Variants in CCNH observed in about 807,000 individuals in gnomAD.
CCNH encodes the protein cyclin H, also known as cyclin-H.
A neutral mutation model predicts 41.9 loss-of-function variants in CCNH; 31 were observed. The observed-to-expected ratio is 0.74, with a 90% CI of 0.56 to 1.00. The LOEUF (loss-of-function observed/expected upper bound fraction) is 1.00. Among genes scored for constraint, CCNH ranks in the 50% least tolerant of loss-of-function variants. The pLI, the probability that CCNH is intolerant of heterozygous loss-of-function variation, is 0.00. For missense variants in CCNH, 362 were observed against 388.4 expected (o/e 0.93, Z 0.57); for synonymous variants, 138 against 136.1 (o/e 1.01, Z -0.10).
Position 87,394,378 on chromosome 5 carries a change from A to AAGTT in CCNH, c.*64_*67dup. 4.5e-6 allele frequency: 7 copies of AAGTT among 1,563,460 alleles called. No individual in the cohort carries two copies. In the Admixed American group the frequency reaches 5.9e-5, roughly 13 times the overall value. The stretch of plus-strand genomic sequence containing the variant: ...GTTTTCACATTATACTTTTTAAATA[A>AAGTT]AGTTAAACGTTTGATATGCTTCCTA... On this transcript the variant is annotated 3_prime_UTR_variant, in exon 9 of 9. Transcript: ENST00000256897.
intron 9 of CCNH, among the ~76,000 whole-genome samples, chr5:87,370,934 A>G (rs779171681): frequency 5.3e-5 from 8 of 152,164 alleles, no homozygotes; most frequent in Non-Finnish European, 1.2e-4. Flanking sequence ...ATCTCATTTA[A>G]TGCTCATTTC....
intron 2 of CCNH, among the ~76,000 whole-genome samples, chr5:87,410,261 A>AT (rs1391419017): frequency 1.3e-5 from 2 of 152,228 alleles, no homozygotes; most frequent in Non-Finnish European, 2.9e-5. Flanking sequence ...AAAGAAGTTC[A>AT]TTAAAGGATT....
Position 87,353,223 on chromosome 5 carries a change from T to C in CCNH, c.*91-34326A>G, listed in dbSNP as rs758200534. 5 of 1,606,178 alleles carry C rather than the reference T, an allele frequency of 3.1e-6. No individual in the cohort carries two copies. The Admixed American group carries it at 6.7e-5, about 21-fold the overall frequency. ...TTGAAGGATATTATCTTAAGGAACC[T>C]GTACCAATGCAGGTCAGTGTTGCAT... On this transcript the variant is annotated intron_variant and NMD_transcript_variant, in intron 9 of 9. Coordinates refer to the CCNH transcript ENST00000645953.
intron 2 of CCNH, among the ~76,000 whole-genome samples, chr5:87,410,800 T>TA (rs1324801460): frequency 1.3e-5 from 2 of 152,146 alleles, no homozygotes; most frequent in Non-Finnish European, 2.9e-5. Context: ...AATCAAGGCT[T>TA]AAAAAAATCT....
At chr5:87,360,431 C>G (rs1369413060) in intron 9 of CCNH, among the ~76,000 whole-genome samples, 2 of 152,156 alleles carry the variant, frequency 1.3e-5, no homozygotes, top group Admixed American at 1.3e-4. Flanking sequence ...CTTTTGAAAA[C>G]TCTGATGGCT....
intron 9 of CCNH, among the ~76,000 whole-genome samples, chr5:87,382,566 TA>T (rs1477222649): frequency 6.6e-6 from 1 of 152,130 alleles, no homozygotes; most frequent in Non-Finnish European, 1.5e-5. Flanking sequence ...GGATTCTTCT[TA>T]AAAGGAAATT....
At chr5:87,361,704 A>G (rs1362516582) in intron 9 of CCNH, among the ~76,000 whole-genome samples, 1 of 152,152 alleles carries the variant, frequency 6.6e-6, no homozygotes, top group East Asian at 1.9e-4. Flanking sequence ...CATTCCTAAA[A>G]ATCATAGCAT....
At chr5:87,394,617 G>C in intron 8 of CCNH, 133 bp from the exon 9 acceptor site, 1 of 1,490,850 alleles carries the variant, frequency 6.7e-7, no homozygotes, top group Non-Finnish European at 8.9e-7. Context: ...AGGAAATTTT[G>C]TAATAGTTCA....
Position 87,404,963 on chromosome 5 carries a change from T to A in CCNH, c.570A>T (p.Thr190=). The A allele has an allele frequency of 6.2e-7, 1 of 1,613,434 alleles. No individual in the cohort carries two copies. Among genetic ancestry groups the A allele is most frequent in the Non-Finnish European group, 8.5e-7 (1 of 1,179,600 alleles). ...ILENPEILRK[T]ADDFLNRIAL... ...CAATTCTATTAAGAAAGTCATCAGCTGTTTTCCTCAAAATCTCTGGATTCT... is the reference window on the plus strand; with the variant it reads ...CAATTCTATTAAGAAAGTCATCAGCAGTTTTCCTCAAAATCTCTGGATTCT... Residue 190 remains threonine, a synonymous_variant, in exon 5 of 9, where the codon ACA becomes ACT. Coordinates refer to ENST00000256897, the MANE Select transcript of CCNH (RefSeq NM_001239.4).
chr5:87,366,971 C>G (rs966277559), intron 9 of CCNH, among the ~76,000 whole-genome samples: 1 of 152,200 alleles, frequency 6.6e-6, no homozygotes, highest in Non-Finnish European at 1.5e-5. Context: ...TCACAACTGC[C>G]AGGATGTTGC....
At chr5:87,373,977 T>C (rs766566598), downstream of CCNH, among the ~76,000 whole-genome samples, 3 of 151,792 alleles carry the variant, frequency 2.0e-5, no homozygotes, top group African/African-American at 4.8e-5. Context: ...GGAAGAATTA[T>C]TTTAAATGTC....
downstream of CCNH, chr5:87,391,065 G>C (rs796643153): frequency 7.3e-6 from 5 of 687,468 alleles, no homozygotes; most frequent in African/African-American, 8.9e-5. Flanking sequence ...AACCTTGTAA[G>C]CTATCTGTGC....
At chr5:87,313,787 T>C (rs1756103231), downstream of CCNH, among the ~76,000 whole-genome samples, 1 of 152,186 alleles carries the variant, frequency 6.6e-6, no homozygotes, top group Non-Finnish European at 1.5e-5. Context: ...AGGTAGACAC[T>C]GAAGAATGAG....
the CCNH span, among the ~76,000 whole-genome samples, chr5:87,312,588 G>C: frequency 1.3e-5 from 2 of 152,090 alleles, no homozygotes; most frequent in African/African-American, 4.8e-5. Context: ...CTTTTCGCTG[G>C]GTCTCCTCTT....
downstream of CCNH, chr5:87,372,055 C>CAAAA: frequency 1.5e-6 from 2 of 1,350,720 alleles, no homozygotes; most frequent in Non-Finnish European, 2.0e-6. Context: ...AAAAACCTAA[C>CAAAA]TGATGATTTG....
chr5:87,349,285 A>G lies in CCNH; in HGVS notation c.*91-30388T>C, dbSNP rs2112421633. The G allele has an allele frequency of 6.2e-7, 1 of 1,612,166 alleles. No individual in the cohort carries two copies. Among genetic ancestry groups the G allele is most frequent in the Non-Finnish European group, 8.5e-7 (1 of 1,178,772 alleles). ...TGGCGATTATTCACTTTATTTCCGG[A>G]CCAATGAAAATATTCAGCGATTTAA... On this transcript the variant is annotated intron_variant and NMD_transcript_variant, in intron 9 of 9. Coordinates refer to the CCNH transcript ENST00000645953.
At chr5:87,399,025 A>G (rs977304014) in intron 7 of CCNH, among the ~76,000 whole-genome samples, 2 of 152,130 alleles carry the variant, frequency 1.3e-5, no homozygotes. Flanking sequence ...TAGCTAACAG[A>G]AGTCTGGAAG....
intron 9 of CCNH, chr5:87,363,604 A>G: frequency 7.5e-7 from 1 of 1,332,722 alleles, no homozygotes; most frequent in South Asian, 1.2e-5. Flanking sequence ...TCATCTTCTA[A>G]AAGTAGCAGA....
chr5:87,388,103 C>T (rs935226807), downstream of CCNH, among the ~76,000 whole-genome samples: 1 of 152,102 alleles, frequency 6.6e-6, no homozygotes, highest in African/African-American at 2.4e-5. Flanking sequence ...CCTAAGCATC[C>T]CCTGTGTATC....
Sources: gnomAD v4.1 joint callset for allele counts (sites outside exome capture counted in the v4.1 genomes callset) on GRCh38, gnomAD v4.1.1 for gene constraint, MANE v1.5 for transcripts, NCBI Gene and HGNC (gene_info 2026-07-23, HGNC 2026-07-21) for gene names.